PKP4: variants seen among roughly 807,000 people sequenced by gnomAD.
The protein encoded by PKP4 is plakophilin 4, also known as plakophilin-4.
PKP4 carries 90 observed loss-of-function variants against 145.1 expected under a neutral mutation model. The observed-to-expected ratio is 0.62, with a 90% CI of 0.52 to 0.74. PKP4 has a LOEUF of 0.74. Among genes scored for constraint, PKP4 ranks in the 30% least tolerant of loss-of-function variants. The probability of loss-of-function intolerance (pLI) is 0.00; values close to 1 mark genes in which losing one functional copy is unlikely to be tolerated. For missense variants in PKP4, 1,340 were observed against 1,482.7 expected, an observed-to-expected ratio of 0.90 and a Z score of 1.58; for synonymous variants, 563 against 577.2, an observed-to-expected ratio of 0.98 and a Z score of 0.35.
intron 12 of PKP4, chr2:158,659,548 A>C (rs2056347969): frequency 6.6e-6 from 1 of 152,276 alleles, no homozygotes; most frequent in African/African-American, 2.4e-5. Flanking sequence ...TAGGTGCCAT[A>C]AAAACAAATA....
At chr2:158,528,910 C>T (rs1400651150) in intron 1 of PKP4, among the ~76,000 whole-genome samples, 1 of 152,154 alleles carries the variant, frequency 6.6e-6, no homozygotes, top group African/African-American at 2.4e-5. Context: ...CAGTGTTATA[C>T]AGTAGACAAC....
chr2:158,460,838 G>A (rs1165196609), intron 1 of PKP4, among the ~76,000 whole-genome samples: 2 of 152,178 alleles, frequency 1.3e-5, no homozygotes, highest in Non-Finnish European at 2.9e-5. Flanking sequence ...TGATTCTGTA[G>A]TGCCCTTCCT....
chr2:158,558,689 C>T (rs868773197), intron 2 of PKP4, among the ~76,000 whole-genome samples: 11 of 152,132 alleles, frequency 7.2e-5, no homozygotes, highest in South Asian at 6.2e-4. Context: ...GAAAGGGAAA[C>T]AGGAACTGTC....
chr2:158,531,560 T>C (rs911934518), intron 1 of PKP4, among the ~76,000 whole-genome samples: 12 of 152,364 alleles, frequency 7.9e-5, no homozygotes, highest in African/African-American at 2.6e-4. Flanking sequence ...GAAGAAATTT[T>C]ATTTAGTTGA....
intron 1 of PKP4, among the ~76,000 whole-genome samples, chr2:158,482,565 G>A (rs1005892558): frequency 2.0e-5 from 3 of 152,092 alleles, no homozygotes; most frequent in African/African-American, 4.8e-5. Flanking sequence ...GGCCAAGTAC[G>A]GTGGTCATGC....
rs993016743 is a variant in PKP4 at position 158,639,763 on chromosome 2, T to G, written c.1563-864T>G. On this transcript the variant is annotated intron_variant, in intron 9 of 21. Coordinates refer to ENST00000389759, the MANE Select transcript of PKP4 (RefSeq NM_003628.6). ...TATACATAGCATGATTATGTATTCA[T>G]TGTTCAAAAAAATGGTATAGCATAG... 7.9e-5 allele frequency among the ~76,000 whole-genome samples: 12 copies of G among 152,144 alleles called. No individual in the cohort carries two copies. In the East Asian group the frequency reaches 2.1e-3, roughly 27 times the overall value.
At chr2:158,474,119 A>G (rs1559189852) in intron 1 of PKP4, among the ~76,000 whole-genome samples, 2 of 152,232 alleles carry the variant, frequency 1.3e-5, no homozygotes, top group East Asian at 1.9e-4. Flanking sequence ...TTTCATCCTC[A>G]TAGTCATTAA....
chr2:158,516,040 ATC>A (rs869129424), intron 1 of PKP4, among the ~76,000 whole-genome samples: 1 of 72,094 alleles, frequency 1.4e-5, no homozygotes, highest in Non-Finnish European at 2.9e-5. Flanking sequence ...GTGAGAATCC[ATC>A]TTTTTTTTTT....
At chr2:158,675,168 T>C (rs2057895169) in intron 19 of PKP4, among the ~76,000 whole-genome samples, 1 of 152,200 alleles carries the variant, frequency 6.6e-6, no homozygotes, top group South Asian at 2.1e-4. Context: ...TGTGGCTCTA[T>C]AACAAAAGGC....
intron 1 of PKP4, among the ~76,000 whole-genome samples, chr2:158,524,341 GAA>G (rs61072053): frequency 0.5 from 23,597 of 47,442 alleles, 5,955 homozygotes; most frequent in South Asian, 0.61. Flanking sequence ...CATTCTTAAA[GAA>G]AAGAATTTTC....
intron 9 of PKP4, among the ~76,000 whole-genome samples, chr2:158,635,293 A>T (rs2053712775): frequency 6.6e-6 from 1 of 152,212 alleles, no homozygotes; most frequent in South Asian, 2.1e-4. Context: ...ATTCACTTCT[A>T]TTCCTGAAAT....
At chr2:158,592,110 A>C (rs886723202) in intron 3 of PKP4, among the ~76,000 whole-genome samples, 1 of 152,016 alleles carries the variant, frequency 6.6e-6, no homozygotes, top group Non-Finnish European at 1.5e-5. Flanking sequence ...TATCATTATC[A>C]TCATTCCTTC....
intron 2 of PKP4, among the ~76,000 whole-genome samples, chr2:158,558,527 C>A (rs1393421006): frequency 6.6e-6 from 1 of 152,024 alleles, no homozygotes; most frequent in Admixed American, 6.6e-5. Flanking sequence ...AGATGGAGAA[C>A]AGAAAAGTGC....
At chr2:158,502,494 C>T (rs1696730793) in intron 1 of PKP4, among the ~76,000 whole-genome samples, 1 of 152,180 alleles carries the variant, frequency 6.6e-6, no homozygotes, top group Admixed American at 6.5e-5. Flanking sequence ...CAGAAGGCCT[C>T]ACCTTGAGTT....
At chr2:158,521,270 G>A (rs954092324) in intron 1 of PKP4, among the ~76,000 whole-genome samples, 5 of 152,152 alleles carry the variant, frequency 3.3e-5, no homozygotes, top group Non-Finnish European at 7.4e-5. Context: ...TGGTGCTTGT[G>A]TATTGACTAC....
intron 2 of PKP4, among the ~76,000 whole-genome samples, chr2:158,555,390 T>G (rs561451306): frequency 1.3e-5 from 2 of 152,350 alleles, no homozygotes; most frequent in African/African-American, 2.4e-5. Flanking sequence ...CAAAATGTAA[T>G]TAGATCTGCT....
intron 17 of PKP4, among the ~76,000 whole-genome samples, chr2:158,671,858 A>G (rs1312243244): frequency 6.6e-6 from 1 of 152,368 alleles, no homozygotes; most frequent in African/African-American, 2.4e-5. Context: ...ATGCTAGTCA[A>G]TGAAGGCCTT....
intron 2 of PKP4, among the ~76,000 whole-genome samples, chr2:158,554,615 CG>C (rs1272330531): frequency 6.6e-6 from 1 of 151,802 alleles, no homozygotes; most frequent in Non-Finnish European, 1.5e-5. Context: ...TTAGTAAAGA[CG>C]GGGTTTCACT....
Position 158,663,465 on chromosome 2 carries a change from T to C in PKP4, c.2577+20T>C, listed in dbSNP as rs1386477532. On this transcript the variant is annotated intron_variant, in intron 15 of 21. Coordinates refer to ENST00000389759, the MANE Select transcript of PKP4 (RefSeq NM_003628.6). ...TGGAAGGTAGGATGACTTCCACTTATCTACACTTCTTTCCATCTTTGCAAA... is the reference window on the plus strand; with the variant it reads ...TGGAAGGTAGGATGACTTCCACTTACCTACACTTCTTTCCATCTTTGCAAA... 8 of 1,596,442 alleles carry C rather than the reference T, an allele frequency of 5.0e-6. No homozygotes were observed. Among genetic ancestry groups the C allele is most frequent in the South Asian group, 2.2e-5 (2 of 90,048 alleles).
Sources: allele counts gnomAD v4.1 joint callset (sites outside exome capture counted in the v4.1 genomes callset), GRCh38; gene constraint gnomAD v4.1.1; transcripts MANE v1.5; gene names NCBI Gene and HGNC (gene_info 2026-07-23, HGNC 2026-07-21).